FRMD4B: variants seen among roughly 807,000 people sequenced by gnomAD.
FRMD4B encodes FERM domain-containing protein 4B.
Under a neutral mutation model 141.5 loss-of-function variants are expected in FRMD4B, and 74 were observed. The ratio of observed to expected loss-of-function variants is 0.52; its 90% CI spans 0.43 to 0.63. The LOEUF (loss-of-function observed/expected upper bound fraction) is 0.63. Ranked by LOEUF, FRMD4B falls within the 30% of genes least tolerant of loss-of-function variation. FRMD4B has a pLI of 0.00. For missense variants in FRMD4B, 1,366 were observed against 1,253.4 expected (o/e 1.09, Z -1.36); for synonymous variants, 506 against 467.9 (o/e 1.08, Z -1.05).
At chr3:69,485,094 C>A (rs1706192265) in intron 1 of FRMD4B, among the ~76,000 whole-genome samples, 2 of 152,166 alleles carry the variant, frequency 1.3e-5, no homozygotes, top group African/African-American at 2.4e-5. Flanking sequence ...CTCAACCCCC[C>A]TCAACTTCCC....
intron 5 of FRMD4B, among the ~76,000 whole-genome samples, chr3:69,257,366 C>A (rs2093499178): frequency 1.3e-5 from 2 of 152,082 alleles, no homozygotes; most frequent in African/African-American, 4.8e-5. Context: ...ATTGGGAGGA[C>A]CCATGGAAGA....
intron 5 of FRMD4B, among the ~76,000 whole-genome samples, chr3:69,262,498 C>T (rs866661099): frequency 1.5e-4 from 10 of 68,212 alleles, no homozygotes; most frequent in South Asian, 5.5e-4. Context: ...GATGGAGTTT[C>T]GCTTTTGTCC....
intron 7 of FRMD4B, among the ~76,000 whole-genome samples, chr3:69,228,073 T>G (rs539479213): frequency 1.3e-5 from 2 of 152,386 alleles, no homozygotes; most frequent in East Asian, 3.9e-4. Flanking sequence ...AGGGGACGTT[T>G]AGCAATGTTT....
rs182649250 is a variant in FRMD4B, at chr3:69,315,838, T to C, written c.163-2321A>G. 1.3e-4 allele frequency among the ~76,000 whole-genome samples: 20 copies of C among 152,384 alleles called. No homozygotes were observed. In the East Asian group the frequency reaches 3.7e-3, roughly 28 times the overall value. On this transcript the variant is annotated intron_variant, in intron 1 of 22. Transcript: ENST00000398540. ...ACTTTTGAAAAGCAGGGGCAACATT[T>C]TGGCTCTAAGCCGTTGTACAAAACT...
intron 3 of FRMD4B, among the ~76,000 whole-genome samples, chr3:69,303,554 T>TA (rs1365099351): frequency 6.6e-6 from 1 of 152,266 alleles, no homozygotes; most frequent in Admixed American, 6.5e-5. Flanking sequence ...AACTAGGCCA[T>TA]ATGTTAATAT....
intron 11 of FRMD4B, among the ~76,000 whole-genome samples, chr3:69,211,873 T>C (rs2093083650): frequency 6.6e-6 from 1 of 152,210 alleles, no homozygotes; most frequent in Non-Finnish European, 1.5e-5. Context: ...ATGCATTCTT[T>C]CATTTGTGCA....
At chr3:69,315,849 C>T (rs1175159699) in intron 1 of FRMD4B, among the ~76,000 whole-genome samples, 1 of 152,168 alleles carries the variant, frequency 6.6e-6, no homozygotes, top group Non-Finnish European at 1.5e-5. Context: ...TGGCTCTAAG[C>T]CGTTGTACAA....
chr3:69,339,876 G>T (rs1214844765), intron 1 of FRMD4B, among the ~76,000 whole-genome samples: 1 of 152,124 alleles, frequency 6.6e-6, no homozygotes, highest in Non-Finnish European at 1.5e-5. Context: ...ATTCTTGACA[G>T]GGCAGTTTAG....
rs1157655761 is a variant in FRMD4B at position 69,540,613 on chromosome 3, T to TAAAAAA, written c.-129+1587_-129+1592dup. Among the ~76,000 whole-genome samples the TAAAAAA allele has an allele frequency of 3.1e-3, 43 of 14,006 alleles. 3 individuals are homozygous for TAAAAAA. The highest frequency in any genetic ancestry group is 6.1e-3 in the African/African-American group (16 of 2,636). 9.2% of individuals were successfully genotyped at this position (14,006 alleles called of 152,430 possible). On this transcript the variant is annotated intron_variant, in intron 1 of 5. Transcript: ENST00000459638. The stretch of plus-strand genomic sequence containing the variant: ...GGGCGACAGAGTGAGACTCTGTCTC[T>TAAAAAA]AAAAAAAAAAAAAAAAAAAAAAAAT...
intron 1 of FRMD4B, among the ~76,000 whole-genome samples, chr3:69,474,637 T>C (rs1486470112): frequency 6.6e-6 from 1 of 152,122 alleles, no homozygotes; most frequent in Non-Finnish European, 1.5e-5. Flanking sequence ...AACCAAAGAA[T>C]TACAATTAGA....
chr3:69,268,041 T>C (rs1416266558), intron 5 of FRMD4B, among the ~76,000 whole-genome samples: 1 of 151,934 alleles, frequency 6.6e-6, no homozygotes, highest in Non-Finnish European at 1.5e-5. Context: ...GACTATGAAC[T>C]TTCCTCCCAA....
At chr3:69,495,736 A>G (rs1706371488) in intron 1 of FRMD4B, among the ~76,000 whole-genome samples, 1 of 152,216 alleles carries the variant, frequency 6.6e-6, no homozygotes, top group South Asian at 2.1e-4. Context: ...AGCTAGTGTT[A>G]CTTTCAGTAA....
chr3:69,175,944 C>A (rs367907843), intron 22 of FRMD4B, among the ~76,000 whole-genome samples: 60 of 151,982 alleles, frequency 3.9e-4, no homozygotes, highest in African/African-American at 1.4e-3. Flanking sequence ...CCATGCCCAA[C>A]TAATTTTTTG....
At chr3:69,328,614 G>A (rs1702261288) in intron 1 of FRMD4B, among the ~76,000 whole-genome samples, 1 of 152,204 alleles carries the variant, frequency 6.6e-6, no homozygotes, top group East Asian at 1.9e-4. Context: ...GATAAAACAG[G>A]ACACAGCAAA....
intron 4 of FRMD4B, chr3:69,293,065 T>C (rs1281879776): frequency 6.6e-6 from 3 of 451,654 alleles, no homozygotes; most frequent in South Asian, 4.7e-5. Flanking sequence ...CATTTCTTTT[T>C]CCTTTCTTGG....
At chr3:69,264,109 T>C (rs908515472) in intron 5 of FRMD4B, among the ~76,000 whole-genome samples, 4 of 152,118 alleles carry the variant, frequency 2.6e-5, no homozygotes, top group African/African-American at 9.7e-5. Flanking sequence ...TCTTAATTGC[T>C]TAGATCCAAG....
At chr3:69,394,064 A>G (rs1407381670) in intron 2 of FRMD4B, among the ~76,000 whole-genome samples, 5 of 152,238 alleles carry the variant, frequency 3.3e-5, no homozygotes, top group African/African-American at 9.6e-5. Context: ...TCAGGATGCT[A>G]TAACAAAAGT....
At chr3:69,364,220 T>C (rs1483688936) in intron 1 of FRMD4B, among the ~76,000 whole-genome samples, 2 of 152,252 alleles carry the variant, frequency 1.3e-5, no homozygotes, top group Non-Finnish European at 2.9e-5. Context: ...TCACCTCAGT[T>C]ACTGCCTTGA....
intron 1 of FRMD4B, among the ~76,000 whole-genome samples, chr3:69,502,852 A>G (rs1316026817): frequency 6.6e-6 from 1 of 152,076 alleles, no homozygotes; most frequent in African/African-American, 2.4e-5. Flanking sequence ...CAAACAAACA[A>G]CCCCATCAAA....
Sources: gnomAD v4.1 joint callset for allele counts (sites outside exome capture counted in the v4.1 genomes callset) on GRCh38, gnomAD v4.1.1 for gene constraint, MANE v1.5 for transcripts, NCBI Gene and HGNC (gene_info 2026-07-23, HGNC 2026-07-21) for gene names.